Variants in DUXA observed in about 807,000 individuals in gnomAD.
DUXA encodes double homeobox protein A.
Under a neutral mutation model 27.5 loss-of-function variants are expected in DUXA, and 25 were observed. The observed-to-expected ratio is 0.91, with a 90% CI of 0.66 to 1.27. DUXA has a LOEUF of 1.27. Ranked by LOEUF, DUXA falls within the 50% of genes most tolerant of loss-of-function variation. DUXA has a pLI of 0.00. For synonymous variants in DUXA, 90 were observed against 80.5 expected (o/e 1.12, Z -0.63); for missense variants, 247 against 242.9 (o/e 1.02, Z -0.11).
intron 2 of DUXA, among the ~76,000 whole-genome samples, chr19:57,160,326 A>G (rs898101226): frequency 6.6e-6 from 1 of 152,238 alleles, no homozygotes; most frequent in Non-Finnish European, 1.5e-5. Flanking sequence ...TCTGCTGCCA[A>G]CATGATTTGC....
intron 1 of DUXA, among the ~76,000 whole-genome samples, chr19:57,165,803 C>CA (rs3082068): frequency 0.44 from 42,386 of 95,594 alleles, 9,292 homozygotes; most frequent in Non-Finnish European, 0.53. Flanking sequence ...AGACTCCTCT[C>CA]AAAAAAAAAA....
chr19:57,158,285 C>T (rs755755041), intron 4 of DUXA, 43 bp downstream of exon 4: 1 of 1,607,384 alleles, frequency 6.2e-7, no homozygotes, highest in Non-Finnish European at 8.5e-7. Context: ...TCCTGTATAC[C>T]TAGATCCCTA....
intron 1 of DUXA, 130 bp from the exon 2 acceptor site, chr19:57,160,927 A>G: frequency 1.0e-6 from 1 of 1,004,126 alleles, no homozygotes; most frequent in Non-Finnish European, 1.5e-6. Context: ...CTACCCTCAT[A>G]CAAGTATGGA....
intron 2 of DUXA, 142 bp downstream of exon 2, chr19:57,160,501 A>T: frequency 2.0e-6 from 2 of 1,001,238 alleles, no homozygotes; most frequent in Non-Finnish European, 2.9e-6. Context: ...GCTAAGACCA[A>T]CACCTTCGTG....
Position 57,154,482 on chromosome 19 carries a change from C to A in DUXA, c.545G>T (p.Gly182Val), listed in dbSNP as rs771469155. The change falls in exon 6 of 6, where the codon GGT (glycine) becomes GTT (valine). Residue 182 changes from glycine to valine, a missense_variant and splice_region_variant. Transcript: ENST00000554048. ...EQGKIPEGLQ[G>V]AEDTQNGTNF... ...GGTGCCATTTTGTGTATCTTCTGCA[C>A]CTAAGGAGGAAAAAAGATAGAGGAA... 6.2e-7 allele frequency: 1 copy of A among 1,611,970 alleles called. No homozygotes were observed. Among genetic ancestry groups the A allele is most frequent in the South Asian group, 1.1e-5 (1 of 91,030 alleles).
rs200474334 is a variant in DUXA, at chr19:57,165,319, AAAAAAATAT to A, written c.25+2091_25+2099del. Among the ~76,000 whole-genome samples, 357 of 109,890 alleles carry A rather than the reference AAAAAAATAT, an allele frequency of 3.2e-3. 1 individual carries two copies. Among genetic ancestry groups the A allele is most frequent in the South Asian group, 0.012 (41 of 3,544 alleles). The allele number at this position is 109,890 out of a possible 152,430, so 72.1% of individuals were successfully genotyped here. A position where few individuals can be genotyped will look rare whatever the true frequency, so the allele number is the denominator to read the frequency against. ...ACATTTCTGGAGTAGGAAAAAAAAA[AAAAAAATAT>A]ATATATATATATATATGTATATATA... On this transcript the variant is annotated intron_variant, in intron 1 of 5. Coordinates refer to ENST00000554048, the MANE Select transcript of DUXA (RefSeq NM_001012729.2).
chr19:57,155,114 T>C (rs1199825078), intron 5 of DUXA, among the ~76,000 whole-genome samples, 153 bp downstream of exon 5: 1 of 152,210 alleles, frequency 6.6e-6, no homozygotes, highest in Non-Finnish European at 1.5e-5. Context: ...GGGAAGAGTC[T>C]TTGGGGACTG....
chr19:57,164,570 C>T (rs935653825), intron 1 of DUXA, among the ~76,000 whole-genome samples: 24 of 151,572 alleles, frequency 1.6e-4, no homozygotes, highest in African/African-American at 4.6e-4. Context: ...AGTGAAACTC[C>T]GTCTCAAAAA....
At chr19:57,161,550 G>A (rs1254093810) in intron 1 of DUXA, among the ~76,000 whole-genome samples, 2 of 151,176 alleles carry the variant, frequency 1.3e-5, no homozygotes, top group African/African-American at 2.4e-5. Flanking sequence ...GTGAACCCGG[G>A]AGGCGGAGCT....
In DUXA at chr19:57,161,438, AT is replaced by A. The variant is rs1216688735; in HGVS notation, c.26-642del. Among the ~76,000 whole-genome samples, 340 of 150,000 alleles carry A rather than the reference AT, an allele frequency of 2.3e-3. 6 individuals carry two copies. Among genetic ancestry groups the A allele is most frequent in the South Asian group, 0.019 (89 of 4,760 alleles). Reference sequence around the variant, plus strand: ...GGAGATCGAGACCATCCTGGCTAACATGATGAAACCCCGTCTCTACTAAAAA... The same window carrying A: ...GGAGATCGAGACCATCCTGGCTAACAGATGAAACCCCGTCTCTACTAAAAA... On this transcript the variant is annotated intron_variant, in intron 1 of 5. Coordinates refer to ENST00000554048, the MANE Select transcript of DUXA (RefSeq NM_001012729.2).
intron 4 of DUXA, among the ~76,000 whole-genome samples, chr19:57,156,751 G>C (rs2086994958): frequency 6.6e-6 from 1 of 151,868 alleles, no homozygotes; most frequent in Non-Finnish European, 1.5e-5. Flanking sequence ...CGCAACCTCC[G>C]CCTCCCGGGT....
chr19:57,155,148 A>C, intron 5 of DUXA, 119 bp downstream of exon 5: 1 of 843,174 alleles, frequency 1.2e-6, no homozygotes, highest in Non-Finnish European at 1.9e-6. Flanking sequence ...GGTACCGTGG[A>C]GCACTTGAGT....
At chr19:57,154,770 A>G (rs557219866) in intron 5 of DUXA, among the ~76,000 whole-genome samples, 287 of 151,996 alleles carry the variant, frequency 1.9e-3, no homozygotes, top group Non-Finnish European at 1.7e-3. Flanking sequence ...TCACCGTGTT[A>G]GCCAGGATGG....
rs111667341 is a variant in DUXA, at chr19:57,158,613, C to G, written c.293-140G>C. 128 of 1,057,872 alleles carry G rather than the reference C, an allele frequency of 1.2e-4. No homozygotes were observed. In the African/African-American group the frequency reaches 1.7e-3, roughly 14 times the overall value. 65.5% of individuals were successfully genotyped at this position (1,057,872 alleles called of 1,614,324 possible). A position where few individuals can be genotyped will look rare whatever the true frequency, so the allele number is the denominator to read the frequency against. On this transcript the variant is annotated intron_variant, in intron 3 of 5. Coordinates refer to ENST00000554048, the MANE Select transcript of DUXA (RefSeq NM_001012729.2). The stretch of plus-strand genomic sequence containing the variant: ...TGACTCCTCCTGAGAGGATCTTGTC[C>G]CAGGTTCCTTCCAGGTGGAAGGTTC...
chr19:57,158,722 G>A (rs772311670), intron 3 of DUXA, among the ~76,000 whole-genome samples: 4 of 152,236 alleles, frequency 2.6e-5, no homozygotes, highest in African/African-American at 7.2e-5. Context: ...GGTGGCTCAC[G>A]CCTGTAATGC....
intron 5 of DUXA, 85 bp from the exon 6 acceptor site, chr19:57,154,567 C>CTT (rs201840017): frequency 2.0e-3 from 1,577 of 772,956 alleles, no homozygotes; most frequent in Non-Finnish European, 2.4e-3. Context: ...CCCACCTTTT[C>CTT]TTTTTTTTTT....
intron 3 of DUXA, among the ~76,000 whole-genome samples, chr19:57,158,738 CT>C (rs2087005207): frequency 6.6e-6 from 1 of 152,154 alleles, no homozygotes; most frequent in African/African-American, 2.4e-5. Context: ...AATGCCGGCA[CT>C]TTAAGAGACT....
At chr19:57,155,544 G>A (rs556162683) in intron 4 of DUXA, among the ~76,000 whole-genome samples, 172 bp from the exon 5 acceptor site, 1 of 152,126 alleles carries the variant, frequency 6.6e-6, no homozygotes, top group East Asian at 1.9e-4. Context: ...TTTTTGTAGA[G>A]ACGAGGTTTC....
intron 2 of DUXA, 139 bp downstream of exon 2, chr19:57,160,504 C>T: frequency 9.8e-7 from 1 of 1,022,306 alleles, no homozygotes; most frequent in Non-Finnish European, 1.4e-6. Flanking sequence ...AAGACCAACA[C>T]CTTCGTGGGT....
Sources: allele counts gnomAD v4.1 joint callset (sites outside exome capture counted in the v4.1 genomes callset), GRCh38; gene constraint gnomAD v4.1.1; transcripts MANE v1.5; gene names NCBI Gene and HGNC (gene_info 2026-07-23, HGNC 2026-07-21).